Variants in RASAL2 observed in about 807,000 individuals in gnomAD.
RASAL2 encodes ras GTPase-activating protein nGAP.
Under a neutral mutation model 128.9 loss-of-function variants are expected in RASAL2, and 58 were observed. That is an observed-to-expected ratio of 0.45 (90% confidence interval 0.36 to 0.56). RASAL2 has a LOEUF of 0.56. Ranked by LOEUF, RASAL2 falls within the 20% of genes least tolerant of loss-of-function variation. The pLI is 0.00. For missense variants in RASAL2, 1,360 were observed against 1,601.6 expected (o/e 0.85, Z 2.57); for synonymous variants, 561 against 580.8 (o/e 0.97, Z 0.49).
chr1:178,217,617 A>G (rs967056537), intron 1 of RASAL2, among the ~76,000 whole-genome samples: 1 of 152,226 alleles, frequency 6.6e-6, no homozygotes. Flanking sequence ...CAGTCCATAT[A>G]AAAGTTGTGC....
At chr1:178,262,307 T>C (rs1022338718) in intron 1 of RASAL2, among the ~76,000 whole-genome samples, 1 of 152,150 alleles carries the variant, frequency 6.6e-6, no homozygotes, top group Non-Finnish European at 1.5e-5. Flanking sequence ...TAATACCAAT[T>C]GGTGCTTGTG....
Position 178,155,248 on chromosome 1 carries a change from A to G in RASAL2, c.202+60554A>G, listed in dbSNP as rs1006486469. Among the ~76,000 whole-genome samples, 5 of 152,144 alleles carry G rather than the reference A, an allele frequency of 3.3e-5. No homozygotes were observed. The East Asian group carries it at 9.6e-4, about 29-fold the overall frequency. The stretch of plus-strand genomic sequence containing the variant: ...TTGTTAGAAAATACTGTAATATTCT[A>G]AAATTCTTGGACATACATATCATTC... On this transcript the variant is annotated intron_variant, in intron 1 of 17. Transcript: ENST00000367649.
chr1:178,253,824 A>G (rs961370689), intron 1 of RASAL2, among the ~76,000 whole-genome samples: 5 of 152,154 alleles, frequency 3.3e-5, no homozygotes, highest in Non-Finnish European at 5.9e-5. Flanking sequence ...TTAAGGCAGG[A>G]ACAGGCCATT....
chr1:178,195,977 T>C (rs974573425), intron 1 of RASAL2, among the ~76,000 whole-genome samples: 22 of 152,152 alleles, frequency 1.4e-4, no homozygotes, highest in Admixed American at 1.4e-3. Context: ...CTGGTAAAGA[T>C]ATAAATCTAC....
chr1:178,155,728 A>G (rs1387366936), intron 1 of RASAL2, among the ~76,000 whole-genome samples: 2 of 151,822 alleles, frequency 1.3e-5, no homozygotes, highest in Non-Finnish European at 2.9e-5. Flanking sequence ...GCCCCCATGA[A>G]TGACTTTACC....
chr1:178,176,038 T>G lies in RASAL2; in HGVS notation c.202+81344T>G, dbSNP rs149474295. Among the ~76,000 whole-genome samples, 111 of 152,290 alleles carry G rather than the reference T, an allele frequency of 7.3e-4. 2 individuals carry two copies. In the East Asian group the frequency reaches 0.015, roughly 21 times the overall value. On this transcript the variant is annotated intron_variant, in intron 1 of 17. Coordinates refer to ENST00000367649, the MANE Select transcript of RASAL2 (RefSeq NM_170692.4). ...ACATACATATACAGGTGTCTTTTGA[T>G]GTAATGACTTCCTTTCCTTTGGGTA...
intron 1 of RASAL2, among the ~76,000 whole-genome samples, chr1:178,191,029 G>A (rs1662476567): frequency 6.6e-6 from 1 of 152,088 alleles, no homozygotes; most frequent in African/African-American, 2.4e-5. Context: ...GATAATATGT[G>A]CCACAGAATG....
intron 4 of RASAL2, among the ~76,000 whole-genome samples, chr1:178,409,465 A>G (rs1674217879): frequency 6.6e-6 from 1 of 152,218 alleles, no homozygotes; most frequent in Non-Finnish European, 1.5e-5. Flanking sequence ...CGGTATCAAA[A>G]AGGATGATTC....
chr1:178,448,112 C>T (rs866854769), intron 9 of RASAL2, among the ~76,000 whole-genome samples: 8 of 151,792 alleles, frequency 5.3e-5, no homozygotes, highest in Non-Finnish European at 1.0e-4. Context: ...AGAACAGGGC[C>T]AAGGATAGAT....
intron 1 of RASAL2, among the ~76,000 whole-genome samples, chr1:178,126,207 T>C (rs547722506): frequency 6.6e-6 from 1 of 152,332 alleles, no homozygotes; most frequent in African/African-American, 2.4e-5. Flanking sequence ...GCCTGTGTTA[T>C]TATCTTGTAA....
At chr1:178,470,879 T>C (rs1285230796) in intron 17 of RASAL2, among the ~76,000 whole-genome samples, 3 of 152,364 alleles carry the variant, frequency 2.0e-5, no homozygotes, top group African/African-American at 2.4e-5. Context: ...CCAGGCAGAA[T>C]TGAAATGTCC....
chr1:178,127,367 C>T lies in RASAL2; in HGVS notation c.202+32673C>T, dbSNP rs555641674. Among the ~76,000 whole-genome samples the T allele has an allele frequency of 6.6e-5, 10 of 152,208 alleles. No individual in the cohort carries two copies. In the East Asian group the frequency reaches 1.2e-3, roughly 18 times the overall value. On this transcript the variant is annotated intron_variant, in intron 1 of 17. Transcript: ENST00000367649. ...AATATTTTCTATTCTGAAATAGAAG[C>T]GTTTAAAGGCACAAGGAAATGGTAA...
At chr1:178,404,917 A>G (rs1375320025) in intron 4 of RASAL2, among the ~76,000 whole-genome samples, 3 of 152,060 alleles carry the variant, frequency 2.0e-5, no homozygotes, top group Admixed American at 6.5e-5. Flanking sequence ...CCTAGGATCA[A>G]TCAATCCTCC....
chr1:178,236,929 A>G (rs1664275744), intron 1 of RASAL2, among the ~76,000 whole-genome samples: 1 of 151,736 alleles, frequency 6.6e-6, no homozygotes, highest in Non-Finnish European at 1.5e-5. Flanking sequence ...AAGCCCAGCT[A>G]ATTTTTGTAT....
At chr1:178,296,565 G>A (rs896762319) in intron 2 of RASAL2, among the ~76,000 whole-genome samples, 8 of 151,152 alleles carry the variant, frequency 5.3e-5, no homozygotes, top group Non-Finnish European at 2.9e-5. Context: ...GGGATCTCAC[G>A]TTGTTGCCCA....
chr1:178,220,120 C>T (rs1191300317), intron 1 of RASAL2, among the ~76,000 whole-genome samples: 1 of 152,178 alleles, frequency 6.6e-6, no homozygotes, highest in African/African-American at 2.4e-5. Context: ...CTTCCTGAGG[C>T]TGTCACCAGA....
At chr1:178,366,237 TTCAGCAA>T (rs1164207512) in intron 3 of RASAL2, among the ~76,000 whole-genome samples, 1 of 152,166 alleles carries the variant, frequency 6.6e-6, no homozygotes, top group Non-Finnish European at 1.5e-5. Context: ...CATAGAGTGA[TTCAGCAA>T]AGTTGGCAAA....
intron 1 of RASAL2, among the ~76,000 whole-genome samples, chr1:178,114,499 T>C (rs1250654343): frequency 6.6e-6 from 1 of 151,816 alleles, no homozygotes; most frequent in Non-Finnish European, 1.5e-5. Flanking sequence ...TCATTAATAT[T>C]GTGAATAACC....
chr1:178,232,787 A>G (rs952306657), intron 1 of RASAL2, among the ~76,000 whole-genome samples: 1 of 152,208 alleles, frequency 6.6e-6, no homozygotes, highest in Non-Finnish European at 1.5e-5. Context: ...CTCCAAGACT[A>G]GGCAAGGTTT....
Sources: allele counts gnomAD v4.1 joint callset (sites outside exome capture counted in the v4.1 genomes callset), GRCh38; gene constraint gnomAD v4.1.1; transcripts MANE v1.5; gene names NCBI Gene and HGNC (gene_info 2026-07-23, HGNC 2026-07-21).